CEMIP: variants seen among roughly 807,000 people sequenced by gnomAD.
The protein encoded by CEMIP is cell migration inducing hyaluronidase 1.
In CEMIP, 105 loss-of-function variants were observed where a neutral mutation model predicts 156.9. The observed-to-expected ratio is 0.67, with a 90% CI of 0.57 to 0.79. The LOEUF (loss-of-function observed/expected upper bound fraction) is 0.79, where lower values mean the gene tolerates loss of function less well. Ranked by LOEUF, CEMIP falls within the 30% of genes least tolerant of loss-of-function variation. The pLI, the probability that CEMIP is intolerant of heterozygous loss-of-function variation, is 0.00. For synonymous variants in CEMIP, 676 were observed against 668.4 expected, an observed-to-expected ratio of 1.01 and a Z score of -0.17; for missense variants, 1,457 against 1,769.4, an observed-to-expected ratio of 0.82 and a Z score of 3.17.
Position 80,900,662 on chromosome 15 carries a change from C to CTGTGTGTGTGTCTG in CEMIP, c.1411+4613_1411+4614insCTGTGTGTGTGTGT, listed in dbSNP as rs1899483107. 7.7e-5 allele frequency among the ~76,000 whole-genome samples: 7 copies of CTGTGTGTGTGTCTG among 90,744 alleles called. No homozygotes were observed. The East Asian group carries it at 9.5e-4, about 12-fold the overall frequency. 59.5% of individuals were successfully genotyped at this position (90,744 alleles called of 152,430 possible). A position where few individuals can be genotyped will look rare whatever the true frequency, so the allele number is the denominator to read the frequency against. On this transcript the variant is annotated intron_variant, in intron 12 of 29. Transcript: ENST00000394685. ...TGTGTGTGTGTGTCTGTGTGTGTGTCTGTGTGTGTGTGTGTATTTTGTGTG... is the reference window on the plus strand; with the variant it reads ...TGTGTGTGTGTGTCTGTGTGTGTGTCTGTGTGTGTGTCTGTGTGTGTGTGTGTGTATTTTGTGTG...
chr15:80,939,496 C>A (rs954891198), intron 25 of CEMIP, among the ~76,000 whole-genome samples: 2 of 152,138 alleles, frequency 1.3e-5, no homozygotes, highest in African/African-American at 4.8e-5. Context: ...CCTGGGATAC[C>A]ATCCATGCAG....
chr15:80,943,725 C>G (rs1901431229), intron 28 of CEMIP, among the ~76,000 whole-genome samples: 1 of 152,142 alleles, frequency 6.6e-6, no homozygotes. Flanking sequence ...CTGCTGGTTC[C>G]CTCCACAGCG....
intron 1 of CEMIP, among the ~76,000 whole-genome samples, chr15:80,784,111 A>T (rs754160704): frequency 1.9e-4 from 29 of 152,084 alleles, no homozygotes; most frequent in Admixed American, 7.2e-4. Context: ...TTGCACTGGG[A>T]TATCTTTGAG....
Position 80,941,960 on chromosome 15 carries a change from CG to C in CEMIP, c.3520del (p.Val1174SerfsTer18), listed in dbSNP as rs766066682. The C allele has an allele frequency of 3.1e-6, 5 of 1,613,782 alleles. No individual in the cohort carries two copies. The African/African-American group carries it at 6.7e-5, about 22-fold the overall frequency. ...AAGCTCTGATTCCAAAGAACGCAGG[CG>C]TCAGTGACTGCACAGCCACAGCTTA... Reference protein sequence around the residue: ...IKALIPKNAGVSDCTATAYPK... With the variant: ...IKALIPKNAGXSDCTATAYPK... On this transcript the variant is annotated frameshift_variant, in exon 26 of 30. Coordinates refer to ENST00000394685, the MANE Select transcript of CEMIP (RefSeq NM_001293298.2). LOFTEE classifies it high-confidence loss of function.
At chr15:80,929,499 G>T (rs1900823436) in intron 21 of CEMIP, among the ~76,000 whole-genome samples, 1 of 152,206 alleles carries the variant, frequency 6.6e-6, no homozygotes, top group Non-Finnish European at 1.5e-5. Flanking sequence ...ACTCTCACTT[G>T]GAGTGTAGCA....
At chr15:80,945,859 C>G (rs1901529792) in intron 28 of CEMIP, among the ~76,000 whole-genome samples, 1 of 152,216 alleles carries the variant, frequency 6.6e-6, no homozygotes, top group African/African-American at 2.4e-5. Flanking sequence ...AGGCTATTTT[C>G]CCAGCACTTT....
intron 14 of CEMIP, chr15:80,909,903 G>A (rs1327692201): frequency 3.3e-6 from 1 of 298,624 alleles, no homozygotes; most frequent in African/African-American, 2.2e-5. Context: ...ATCACAAAAT[G>A]GTACCCCGCA....
intron 1 of CEMIP, among the ~76,000 whole-genome samples, chr15:80,824,349 GTCTTT>G (rs1198040970): frequency 6.6e-6 from 1 of 152,188 alleles, no homozygotes; most frequent in East Asian, 1.9e-4. Context: ...GTGGCATAGG[GTCTTT>G]TCTTGTTTGG....
At chr15:80,924,517 G>A (rs1054368801) in intron 17 of CEMIP, 104 bp from the exon 18 acceptor site, 1 of 960,434 alleles carries the variant, frequency 1.0e-6, no homozygotes, top group Non-Finnish European at 1.7e-6. Context: ...GAACAGAGCT[G>A]GTTTTCCCGG....
chr15:80,785,908 G>A (rs369853229), intron 1 of CEMIP, among the ~76,000 whole-genome samples: 346 of 152,310 alleles, frequency 2.3e-3, no homozygotes, highest in African/African-American at 6.6e-3. Context: ...TACACTGGGC[G>A]CAAGAGAGTG....
At chr15:80,948,207 C>A (rs981432957) in intron 29 of CEMIP, 15 of 171,936 alleles carry the variant, frequency 8.7e-5, no homozygotes, top group Non-Finnish European at 1.5e-4. Context: ...TGAGTATAGA[C>A]GTGGATTCCC....
At position 80,797,370 on chromosome 15, in the gene CEMIP, C is replaced by T. The variant is rs115513679; in HGVS notation, c.-176+17756C>T. On this transcript the variant is annotated intron_variant, in intron 1 of 29. Transcript: ENST00000394685. ...CTTTGCCAGGCATGAGCAGTGCTGG[C>T]GTGTGGAGGGTAGGGAGAGTGCAGG... 5.6e-3 allele frequency among the ~76,000 whole-genome samples: 850 copies of T among 152,224 alleles called. 8 individuals are homozygous for T. Among genetic ancestry groups the T allele is most frequent in the African/African-American group, 0.019 (799 of 41,534 alleles).
intron 14 of CEMIP, chr15:80,909,509 C>A (rs1204119218): frequency 3.0e-6 from 2 of 665,920 alleles, no homozygotes; most frequent in East Asian, 3.0e-5. Flanking sequence ...CCAAAGGTAC[C>A]AAGCAGAGAT....
chr15:80,840,037 T>G (rs554309471), intron 1 of CEMIP, among the ~76,000 whole-genome samples: 32 of 152,184 alleles, frequency 2.1e-4, no homozygotes, highest in African/African-American at 7.5e-4. Context: ...AATCTCCTCC[T>G]CTAAGGGGCC....
intron 1 of CEMIP, among the ~76,000 whole-genome samples, chr15:80,857,349 G>A (rs1897877455): frequency 6.6e-6 from 1 of 152,204 alleles, no homozygotes; most frequent in Non-Finnish European, 1.5e-5. Context: ...CTCATTCATG[G>A]GCTGCACGCC....
At chr15:80,910,373 C>A (rs1900004374) in intron 14 of CEMIP, among the ~76,000 whole-genome samples, 1 of 152,184 alleles carries the variant, frequency 6.6e-6, no homozygotes, top group Admixed American at 6.5e-5. Flanking sequence ...AAACCCCAGG[C>A]CGGTGCCACT....
In CEMIP at chr15:80,948,831, C is replaced by A. The variant is rs1338818811; in HGVS notation, c.3993C>A (p.Phe1331Leu). The A allele has an allele frequency of 1.9e-6, 3 of 1,614,238 alleles. No individual in the cohort carries two copies. In the East Asian group the frequency reaches 6.7e-5, roughly 36 times the overall value. The change falls in exon 30 of 30, where the codon TTC (phenylalanine) becomes TTA (leucine). Residue 1331 changes from phenylalanine (F) to leucine (L), a missense_variant. Transcript: ENST00000394685. The stretch of plus-strand genomic sequence containing the variant: ...CATTCGTTGGCTTCAAAGGCAGCTT[C>A]CGGCCCATCTGGGTGACACTGGACA... Reference protein sequence around the residue: ...QMAFVGFKGSFRPIWVTLDTE... With the variant: ...QMAFVGFKGSLRPIWVTLDTE...
In CEMIP at chr15:80,909,517, G is replaced by A. The variant is rs116050644; in HGVS notation, c.1797+211G>A. On this transcript the variant is annotated intron_variant, in intron 14 of 29. Coordinates refer to ENST00000394685, the MANE Select transcript of CEMIP (RefSeq NM_001293298.2). The stretch of plus-strand genomic sequence containing the variant: ...GTCCTTACCAAAGGTACCAAGCAGA[G>A]ATGGGAGAGTGATTACTTTGTGGTG... 648 of 652,168 alleles carry A rather than the reference G, an allele frequency of 9.9e-4. 7 individuals carry two copies. In the African/African-American group the frequency reaches 0.01, roughly 10 times the overall value. The allele number at this position is 652,168 out of a possible 1,614,324, so 40.4% of individuals were successfully genotyped here. A position where few individuals can be genotyped will look rare whatever the true frequency, so the allele number is the denominator to read the frequency against.
At chr15:80,786,304 A>ACTGGCTAGAGAG (rs1895936351) in intron 1 of CEMIP, among the ~76,000 whole-genome samples, 1 of 152,164 alleles carries the variant, frequency 6.6e-6, no homozygotes, top group Admixed American at 6.5e-5. Context: ...TGGCATGAAC[A>ACTGGCTAGAGAG]CAGTTCCCTG....
Sources: gnomAD v4.1 joint callset for allele counts (sites outside exome capture counted in the v4.1 genomes callset) on GRCh38, gnomAD v4.1.1 for gene constraint, MANE v1.5 for transcripts, NCBI Gene and HGNC (gene_info 2026-07-23, HGNC 2026-07-21) for gene names.